ACADSB: variants seen among roughly 807,000 people sequenced by gnomAD.
ACADSB encodes the protein acyl-CoA dehydrogenase short/branched chain, also known as short/branched chain specific acyl-CoA dehydrogenase, mitochondrial.
Under a neutral mutation model 54.1 loss-of-function variants are expected in ACADSB, and 40 were observed. That is an observed-to-expected ratio of 0.74 (90% CI 0.57 to 0.96). The LOEUF (loss-of-function observed/expected upper bound fraction) is 0.96, where lower values mean the gene tolerates loss of function less well. Ranked by LOEUF, ACADSB falls within the 40% of genes least tolerant of loss-of-function variation. The pLI is 0.00. For missense variants in ACADSB, 530 were observed against 510.4 expected, an observed-to-expected ratio of 1.04 and a Z score of -0.37; for synonymous variants, 182 against 182.8, an observed-to-expected ratio of 1.00 and a Z score of 0.03.
rs1850667075 is a variant in ACADSB at position 123,053,801 on chromosome 10, G to C, written c.*36G>C. 1 of 1,575,896 alleles carries C rather than the reference G, an allele frequency of 6.3e-7. No individual in the cohort carries two copies. The highest frequency in any genetic ancestry group is 1.3e-5 in the African/African-American group (1 of 74,086). Reference sequence around the variant, plus strand: ...AGTGGGACCCCTCCCTGGTGTCACTGCTGTAAAATTTTAAACGGTTGTGTC... The same window carrying C: ...AGTGGGACCCCTCCCTGGTGTCACTCCTGTAAAATTTTAAACGGTTGTGTC... On this transcript the variant is annotated 3_prime_UTR_variant, in exon 11 of 11. Transcript: ENST00000358776.
At chr10:123,025,736 T>G (rs1276258175) in intron 1 of ACADSB, among the ~76,000 whole-genome samples, 1 of 152,130 alleles carries the variant, frequency 6.6e-6, no homozygotes, top group Non-Finnish European at 1.5e-5. Flanking sequence ...GAAAACATGC[T>G]CAAATGCATA....
In ACADSB at chr10:123,011,549, C is replaced by CG. The variant is rs1213328334; in HGVS notation, c.42+2480dup. 3.5e-5 allele frequency among the ~76,000 whole-genome samples: 5 copies of CG among 144,276 alleles called. No homozygotes were observed. In the East Asian group the frequency reaches 1.0e-3, roughly 30 times the overall value. 94.7% of individuals were successfully genotyped at this position (144,276 alleles called of 152,430 possible). A position where few individuals can be genotyped will look rare whatever the true frequency, so the allele number is the denominator to read the frequency against. ...TATCTTTTTTTTTTTTTTTTTGAGA[C>CG]GGAGTCTTACTCTGTCGCCCAGGTT... is the stretch of plus-strand genomic sequence containing the variant. On this transcript the variant is annotated intron_variant, in intron 1 of 10. Transcript: ENST00000358776.
Position 123,054,141 on chromosome 10 carries a change from C to T in ACADSB, c.*376C>T. 1 of 247,386 alleles carries T rather than the reference C, an allele frequency of 4.0e-6. No individual in the cohort carries two copies. The highest frequency in any genetic ancestry group is 8.0e-6 in the Non-Finnish European group (1 of 124,922). The allele number at this position is 247,386 out of a possible 1,614,324, so 15.3% of individuals were successfully genotyped here. A position where few individuals can be genotyped will look rare whatever the true frequency, so the allele number is the denominator to read the frequency against. On this transcript the variant is annotated 3_prime_UTR_variant, in exon 11 of 11. Transcript: ENST00000358776. ...TCCTGGGTTCCAGTGATTCTCATGCCTCATCCTCCCAAGTAGCTGGAACTA... is the reference window on the plus strand; with the variant it reads ...TCCTGGGTTCCAGTGATTCTCATGCTTCATCCTCCCAAGTAGCTGGAACTA...
chr10:123,016,643 C>T (rs1850112716), intron 1 of ACADSB, among the ~76,000 whole-genome samples: 1 of 152,088 alleles, frequency 6.6e-6, no homozygotes, highest in Non-Finnish European at 1.5e-5. Context: ...GGGTATGGGG[C>T]ATCGGAAGGA....
chr10:123,016,344 C>T (rs188996910), intron 1 of ACADSB, among the ~76,000 whole-genome samples: 169 of 152,310 alleles, frequency 1.1e-3, no homozygotes, highest in South Asian at 7.0e-3. Context: ...AGTGACAAAT[C>T]GGAAGTGAGG....
chr10:123,035,909 TTA>T (rs1850392514), intron 2 of ACADSB, among the ~76,000 whole-genome samples: 1 of 152,158 alleles, frequency 6.6e-6, no homozygotes, highest in African/African-American at 2.4e-5. Context: ...GCTCACCTGA[TTA>T]GGTCAGGCCC....
rs1850710780 is a variant in ACADSB, at chr10:123,056,565, C to T, written c.*2800C>T. The T allele has an allele frequency of 6.6e-6, 1 of 152,294 alleles. No homozygotes were observed. Among genetic ancestry groups the T allele is most frequent in the Non-Finnish European group, 1.5e-5 (1 of 68,124 alleles). The allele number at this position is 152,294 out of a possible 1,614,324, so 9.4% of individuals were successfully genotyped here. A position where few individuals can be genotyped will look rare whatever the true frequency, so the allele number is the denominator to read the frequency against. On this transcript the variant is annotated 3_prime_UTR_variant, in exon 11 of 11. Coordinates refer to ENST00000358776, the MANE Select transcript of ACADSB (RefSeq NM_001609.4). ...CCACTTCTTCAGTATTAGGGATTCT[C>T]AGTCAGAAGAGACCCCCTGTGTGGC...
rs538272356 is a variant in ACADSB at position 123,042,606 on chromosome 10, C to T, written c.682-440C>T. Among the ~76,000 whole-genome samples, 393 of 151,718 alleles carry T rather than the reference C, an allele frequency of 2.6e-3. 1 individual carries two copies. Among genetic ancestry groups the T allele is most frequent in the Non-Finnish European group, 3.6e-3 (243 of 67,894 alleles). On this transcript the variant is annotated intron_variant, in intron 5 of 10. Transcript: ENST00000358776. ...CTCCTGACGGGTGCCTGCCACCACA[C>T]CCAGCTAATTTTTGTATTTTTAGTA...
rs1294066177 is a variant in ACADSB, at chr10:123,057,670, A to G, written c.*3905A>G. 2 of 152,214 alleles carry G rather than the reference A, an allele frequency of 1.3e-5. No individual in the cohort carries two copies. The highest frequency in any genetic ancestry group is 3.8e-4 in the East Asian group (2 of 5,196). The allele number at this position is 152,214 out of a possible 1,614,324, so 9.4% of individuals were successfully genotyped here. On this transcript the variant is annotated 3_prime_UTR_variant, in exon 11 of 11. Coordinates refer to ENST00000358776, the MANE Select transcript of ACADSB (RefSeq NM_001609.4). ...AGTATTGTTAGAGATTTCATTTTAC[A>G]ACACAAAAATAAGCCTGTGTCAAAG...
At position 123,053,143 on chromosome 10, in the gene ACADSB, T is replaced by G. The variant is rs753923199; in HGVS notation, c.1211T>G (p.Phe404Cys). The change falls in exon 10 of 11, where the codon TTC becomes TGC. Residue 404 changes from phenylalanine (F) to cysteine (C), a missense_variant. Physicochemically the swap from Phe to Cys is radical, Grantham distance 205 (BLOSUM62 -2). Coordinates refer to ENST00000358776, the MANE Select transcript of ACADSB (RefSeq NM_001609.4). The part of the protein sequence containing the change: ...YTKDYPVEKY[F>C]RDAKIGTIYE... ...AAAGATTACCCTGTGGAGAAATACT[T>G]CCGAGATGCAAAGATTGGTAAATAG... The G allele has an allele frequency of 6.2e-7, 1 of 1,611,362 alleles. No individual in the cohort carries two copies. The highest frequency in any genetic ancestry group is 1.7e-5 in the Admixed American group (1 of 59,680).
chr10:123,049,034 T>A (rs942002099), intron 8 of ACADSB, among the ~76,000 whole-genome samples: 1 of 152,206 alleles, frequency 6.6e-6, no homozygotes, highest in South Asian at 2.1e-4. Flanking sequence ...TTTTTAAAAA[T>A]TTTGTGGGTA....
chr10:123,025,961 TGAATCAG>T (rs1477540515), intron 1 of ACADSB, among the ~76,000 whole-genome samples: 2 of 151,946 alleles, frequency 1.3e-5, no homozygotes, highest in Non-Finnish European at 2.9e-5. Context: ...CGCAGGAGGC[TGAATCAG>T]GAGAATTGCT....
intron 1 of ACADSB, among the ~76,000 whole-genome samples, chr10:123,019,442 G>A (rs543717679): frequency 6.6e-5 from 10 of 152,180 alleles, no homozygotes; most frequent in South Asian, 2.1e-4. Flanking sequence ...CAAGGATGAC[G>A]CCAGTCCAGG....
In ACADSB at chr10:123,052,299, G is replaced by T; in HGVS notation, c.1129-762G>T. Among the ~76,000 whole-genome samples the T allele has an allele frequency of 6.6e-6, 1 of 152,310 alleles. No individual in the cohort carries two copies. Among genetic ancestry groups the T allele is most frequent in the East Asian group, 1.9e-4 (1 of 5,182 alleles). The stretch of plus-strand genomic sequence containing the variant: ...CTTTCTGTGGTTCTGGCAGACAGTT[G>T]TTTCCAGCTTCTAGGGGCTGCTCAC... On this transcript the variant is annotated intron_variant, in intron 9 of 10. Transcript: ENST00000358776. The surrounding 1 kb of genome is among the most constrained non-coding windows in gnomAD (Gnocchi z 4.2).
At chr10:123,016,448 C>T (rs181719274) in intron 1 of ACADSB, among the ~76,000 whole-genome samples, 1 of 152,364 alleles carries the variant, frequency 6.6e-6, no homozygotes, top group East Asian at 1.9e-4. Context: ...AGGATGGCTG[C>T]TGGGATTGCC....
At chr10:123,037,305 C>T (rs1004235202) in intron 2 of ACADSB, among the ~76,000 whole-genome samples, 4 of 152,200 alleles carry the variant, frequency 2.6e-5, no homozygotes, top group Non-Finnish European at 5.9e-5. Context: ...ATAGAAAGAT[C>T]ATCAAGATAT....
At chr10:123,026,739 G>A (rs1277832679) in intron 1 of ACADSB, among the ~76,000 whole-genome samples, 2 of 151,046 alleles carry the variant, frequency 1.3e-5, no homozygotes, top group Non-Finnish European at 1.5e-5. Context: ...AAAAAAAAAG[G>A]AAGGCACAGA....
intron 1 of ACADSB, among the ~76,000 whole-genome samples, chr10:123,014,852 A>T (rs1850091487): frequency 6.6e-6 from 1 of 152,216 alleles, no homozygotes; most frequent in South Asian, 2.1e-4. Context: ...AAAGGTGTAG[A>T]GGTAGGAATA....
At chr10:123,028,160 G>A (rs564112083) in intron 1 of ACADSB, among the ~76,000 whole-genome samples, 4 of 152,286 alleles carry the variant, frequency 2.6e-5, no homozygotes, top group Admixed American at 2.6e-4. Flanking sequence ...AATCAGATTG[G>A]CCTGGGGAGG....
Sources: gnomAD v4.1 joint callset for allele counts (sites outside exome capture counted in the v4.1 genomes callset) on GRCh38, gnomAD v4.1.1 for gene constraint, Gnocchi (gnomAD v3.1) non-coding constraint, MANE v1.5 for transcripts, NCBI Gene and HGNC (gene_info 2026-07-23, HGNC 2026-07-21) for gene names.